Variants in PDSS2 observed in about 807,000 individuals in gnomAD.
PDSS2 encodes the protein all trans-polyprenyl-diphosphate synthase PDSS2.
PDSS2 carries 31 observed loss-of-function variants against 44.5 expected under a neutral mutation model. The ratio of observed to expected loss-of-function variants is 0.70; its 90% CI spans 0.52 to 0.94. The LOEUF is 0.94. PDSS2 is among the 40% of genes least tolerant of loss of function. The pLI is 0.00. For synonymous variants in PDSS2, 157 were observed against 180.3 expected, an observed-to-expected ratio of 0.87 and a Z score of 1.03; for missense variants, 452 against 482.2, an observed-to-expected ratio of 0.94 and a Z score of 0.59.
chr6:107,354,052 A>G (rs1216278983), intron 1 of PDSS2, among the ~76,000 whole-genome samples: 2 of 152,216 alleles, frequency 1.3e-5, no homozygotes, highest in Non-Finnish European at 2.9e-5. Context: ...CACTTGAACT[A>G]TTTAATGAAT....
chr6:107,220,684 G>A (rs1029942227), intron 4 of PDSS2, among the ~76,000 whole-genome samples: 2 of 151,802 alleles, frequency 1.3e-5, no homozygotes, highest in East Asian at 1.9e-4. Flanking sequence ...AGTAATACAC[G>A]ATCACTGGAA....
At chr6:107,260,963 C>G (rs1775200971) in intron 3 of PDSS2, among the ~76,000 whole-genome samples, 1 of 152,072 alleles carries the variant, frequency 6.6e-6, no homozygotes, top group Admixed American at 6.6e-5. Flanking sequence ...CGCCTGGCCC[C>G]CCCTCCATTT....
intron 3 of PDSS2, among the ~76,000 whole-genome samples, chr6:107,257,570 G>C (rs1775065154): frequency 6.6e-6 from 1 of 151,804 alleles, no homozygotes. Context: ...TAATAATAAT[G>C]GACATACTTG....
intron 2 of PDSS2, among the ~76,000 whole-genome samples, chr6:107,327,909 C>T (rs1390115694): frequency 1.3e-5 from 2 of 152,238 alleles, no homozygotes; most frequent in Admixed American, 6.5e-5. Flanking sequence ...ACTGCCATCC[C>T]TTTAAGTCAT....
At chr6:107,404,963 C>A (rs907342509) in intron 1 of PDSS2, among the ~76,000 whole-genome samples, 2 of 152,058 alleles carry the variant, frequency 1.3e-5, no homozygotes, top group Non-Finnish European at 1.5e-5. Flanking sequence ...CAAGAAGGAC[C>A]TCACTTCAAC....
intron 6 of PDSS2, among the ~76,000 whole-genome samples, chr6:107,207,815 G>T (rs1487440731): frequency 6.6e-6 from 1 of 151,230 alleles, no homozygotes; most frequent in East Asian, 2.0e-4. Flanking sequence ...TCGCCATGTT[G>T]GCCAGGCTGG....
intron 2 of PDSS2, among the ~76,000 whole-genome samples, chr6:107,330,263 T>G (rs1255698781): frequency 6.6e-6 from 1 of 152,156 alleles, no homozygotes; most frequent in African/African-American, 2.4e-5. Flanking sequence ...ATATCACTTC[T>G]ACTCCTACTC....
intron 1 of PDSS2, among the ~76,000 whole-genome samples, chr6:107,378,439 T>C (rs1229324157): frequency 6.6e-6 from 1 of 152,152 alleles, no homozygotes; most frequent in Non-Finnish European, 1.5e-5. Flanking sequence ...TGTATTTCTA[T>C]ATGCTAGCAA....
intron 4 of PDSS2, among the ~76,000 whole-genome samples, chr6:107,214,788 C>A (rs1773357163): frequency 6.6e-6 from 1 of 152,178 alleles, no homozygotes; most frequent in Non-Finnish European, 1.5e-5. Context: ...AGCTTAACTT[C>A]ATGCAATGTT....
intron 1 of PDSS2, among the ~76,000 whole-genome samples, chr6:107,352,036 TCA>T (rs1448372512): frequency 5.9e-5 from 9 of 152,190 alleles, no homozygotes; most frequent in Admixed American, 3.9e-4. Context: ...TTTTACAATA[TCA>T]CAGTTTTAAA....
At chr6:107,213,062 C>T (rs1385633102) in intron 4 of PDSS2, among the ~76,000 whole-genome samples, 4 of 151,896 alleles carry the variant, frequency 2.6e-5, no homozygotes, top group South Asian at 2.1e-4. Flanking sequence ...CAAGCTGGAA[C>T]GTAGTGGCAT....
At chr6:107,440,999 C>G (rs1201210165) in intron 1 of PDSS2, among the ~76,000 whole-genome samples, 1 of 152,148 alleles carries the variant, frequency 6.6e-6, no homozygotes, top group Non-Finnish European at 1.5e-5. Flanking sequence ...ATCAAAGTAA[C>G]ATTTTAAGCA....
chr6:107,371,180 C>T (rs1195393445), intron 1 of PDSS2, among the ~76,000 whole-genome samples: 1 of 18,562 alleles, frequency 5.4e-5, no homozygotes, highest in Non-Finnish European at 2.1e-4. Context: ...AACTCTGTCT[C>T]AAAGTAAAAA....
At chr6:107,410,923 C>T (rs556678051) in intron 1 of PDSS2, among the ~76,000 whole-genome samples, 5 of 149,212 alleles carry the variant, frequency 3.4e-5, no homozygotes, top group East Asian at 2.1e-4. Flanking sequence ...AGTCTTATGC[C>T]GCCCAGGCTG....
At chr6:107,260,265 A>C (rs2114875785) in intron 3 of PDSS2, among the ~76,000 whole-genome samples, 1 of 152,334 alleles carries the variant, frequency 6.6e-6, no homozygotes, top group South Asian at 2.1e-4. Context: ...GGCTCTTCCC[A>C]ATCACTATGG....
At chr6:107,170,426 G>T (rs183448648) in intron 7 of PDSS2, among the ~76,000 whole-genome samples, 1 of 152,254 alleles carries the variant, frequency 6.6e-6, no homozygotes, top group Non-Finnish European at 1.5e-5. Context: ...TGCACTTCCT[G>T]GGTGAGGCAA....
At chr6:107,457,295 C>A (rs574247009) in intron 1 of PDSS2, among the ~76,000 whole-genome samples, 2 of 152,112 alleles carry the variant, frequency 1.3e-5, no homozygotes, top group Non-Finnish European at 1.5e-5. Flanking sequence ...TGATATTACA[C>A]CATCGTTTCA....
At chr6:107,329,379 G>A (rs1777644662) in intron 2 of PDSS2, among the ~76,000 whole-genome samples, 1 of 152,114 alleles carries the variant, frequency 6.6e-6, no homozygotes, top group South Asian at 2.1e-4. Context: ...TAATTCCTCA[G>A]GCCCTTCACA....
chr6:107,436,572 T>C (rs1375366580), intron 1 of PDSS2, among the ~76,000 whole-genome samples: 1 of 152,196 alleles, frequency 6.6e-6, no homozygotes, highest in African/African-American at 2.4e-5. Flanking sequence ...ATAAACTCTA[T>C]TTGGTTATAC....
Sources: allele counts gnomAD v4.1 joint callset (sites outside exome capture counted in the v4.1 genomes callset), GRCh38; gene constraint gnomAD v4.1.1; transcripts MANE v1.5; gene names NCBI Gene and HGNC (gene_info 2026-07-23, HGNC 2026-07-21).